Variants in LAYN observed in about 807,000 individuals in gnomAD.
The protein encoded by LAYN is layilin.
In LAYN, 38 loss-of-function variants were observed where a neutral mutation model predicts 43.6. The ratio of observed to expected loss-of-function variants is 0.87; its 90% CI spans 0.67 to 1.14. The LOEUF is 1.14. Among genes scored for constraint, LAYN ranks in the 50% most tolerant of loss-of-function variants. The probability of loss-of-function intolerance (pLI) is 0.00; values close to 1 mark genes in which losing one functional copy is unlikely to be tolerated. For missense variants in LAYN, 479 were observed against 463.8 expected, an observed-to-expected ratio of 1.03 and a Z score of -0.30; for synonymous variants, 168 against 172.9, an observed-to-expected ratio of 0.97 and a Z score of 0.22.
At chr11:111,544,280 C>T in intron 2 of LAYN, 60 bp downstream of exon 2, 1 of 1,521,208 alleles carries the variant, frequency 6.6e-7, no homozygotes, top group Non-Finnish European at 8.9e-7. Flanking sequence ...AAGAGGCAGG[C>T]TGGATCCACA....
chr11:111,540,866 A>C lies in LAYN; in HGVS notation c.23A>C (p.Gln8Pro). ...GCCATGAGGCCGGGAACCGCGCTAC[A>C]GGCCGTGCTGCTGGCCGTGCTGCTG... MRPGTALQAVLLAVLLVG... is the reference protein window; with the variant it reads MRPGTALPAVLLAVLLVG... The change falls in exon 1 of 7, where the codon CAG becomes CCG. Residue 8 changes from glutamine to proline, a missense_variant. Transcript: ENST00000375614. The C allele has an allele frequency of 2.6e-6, 4 of 1,531,736 alleles. No individual in the cohort carries two copies. Among genetic ancestry groups the C allele is most frequent in the Non-Finnish European group, 3.5e-6 (4 of 1,145,416 alleles). The allele number at this position is 1,531,736 out of a possible 1,614,324, so 94.9% of individuals were successfully genotyped here.
At position 111,544,036 on chromosome 11, in the gene LAYN, G is replaced by A. The variant is rs1420319070; in HGVS notation, c.199G>A (p.Gly67Arg). ...AGCCAAAGAAGCCTGCAGGAGGGATGGAGGCCAGCTAGTCAGCATCGAGTC... is the reference window on the plus strand; with the variant it reads ...AGCCAAAGAAGCCTGCAGGAGGGATAGAGGCCAGCTAGTCAGCATCGAGTC... ...EEAKEACRRDGGQLVSIESED... is the reference protein window; with the variant it reads ...EEAKEACRRDRGQLVSIESED... Residue 67 changes from glycine to arginine, a missense_variant, in exon 2 of 7, where the codon GGA (glycine) becomes AGA (arginine). By Grantham distance (125) the Gly-to-Arg change is moderately radical. Transcript: ENST00000375614. 3.1e-6 allele frequency: 5 copies of A among 1,614,098 alleles called. No homozygotes were observed. Among genetic ancestry groups the A allele is most frequent in the Non-Finnish European group, 4.2e-6 (5 of 1,180,050 alleles).
chr11:111,555,318 T>G, intron 5 of LAYN, 28 bp downstream of exon 5: 1 of 1,498,112 alleles, frequency 6.7e-7, no homozygotes. Context: ...CTGGGAAAGA[T>G]GAATAATCAG....
intron 3 of LAYN, among the ~76,000 whole-genome samples, chr11:111,553,487 C>T (rs745660922): frequency 7.3e-5 from 11 of 150,854 alleles, no homozygotes; most frequent in Admixed American, 2.0e-4. Context: ...GGCATGGTGG[C>T]GCATGCCTAT....
intron 2 of LAYN, among the ~76,000 whole-genome samples, chr11:111,547,859 G>A (rs1867674734): frequency 6.6e-6 from 1 of 152,186 alleles, no homozygotes; most frequent in South Asian, 2.1e-4. Flanking sequence ...GGGGTGGGGA[G>A]GAGTGCAGTT....
Position 111,560,277 on chromosome 11 carries a change from C to T in LAYN, c.944C>T (p.Thr315Ile), listed in dbSNP as rs745890528. The T allele has an allele frequency of 1.2e-6, 2 of 1,614,182 alleles. No individual in the cohort carries two copies. Reference protein sequence around the residue: ...ISFRVCSGEATPDDMSCDYDN... With the variant: ...ISFRVCSGEAIPDDMSCDYDN... Reference sequence around the variant, plus strand: ...TTCCGAGTGTGTTCGGGAGAAGCCACTCCCGATGACATGTCTTGTGACTAT... The same window carrying T: ...TTCCGAGTGTGTTCGGGAGAAGCCATTCCCGATGACATGTCTTGTGACTAT... The change falls in exon 7 of 7, where the codon ACT becomes ATT. Residue 315 changes from threonine to isoleucine, a missense_variant. Physicochemically the swap from Thr to Ile is moderately conservative, Grantham distance 89. Transcript: ENST00000375614.
chr11:111,540,550 C>T (rs1028116138), upstream of LAYN: 4 of 466,346 alleles, frequency 8.6e-6, no homozygotes, highest in African/African-American at 6.2e-5. Context: ...GGACAGGGAG[C>T]TGGTTCCCCT....
chr11:111,550,299 G>A (rs1483726663), intron 3 of LAYN, among the ~76,000 whole-genome samples: 7 of 152,224 alleles, frequency 4.6e-5, no homozygotes, highest in Non-Finnish European at 7.3e-5. Flanking sequence ...AGACCACCCT[G>A]TATTTAATGC....
At chr11:111,546,653 A>G (rs931388943) in intron 2 of LAYN, among the ~76,000 whole-genome samples, 2 of 152,230 alleles carry the variant, frequency 1.3e-5, no homozygotes, top group Admixed American at 1.3e-4. Flanking sequence ...TTACCTGCTT[A>G]TGCAGTGCTC....
chr11:111,540,571 C>T, upstream of LAYN: 1 of 485,044 alleles, frequency 2.1e-6, no homozygotes. Context: ...CTGCGACTCG[C>T]CCCTCTCTGG....
intron 5 of LAYN, among the ~76,000 whole-genome samples, chr11:111,556,465 C>A (rs1046938746): frequency 6.6e-6 from 1 of 152,180 alleles, no homozygotes; most frequent in Non-Finnish European, 1.5e-5. Flanking sequence ...GGCCAGCCCC[C>A]GTCTGAATCA....
rs112476504 is a variant in LAYN, at chr11:111,559,601, G to A, written c.762-494G>A. ...AGCCTCCCAACTAGCTGGGACTGCA[G>A]GTGTGCACCACCATGCCTGGTTAAT... On this transcript the variant is annotated intron_variant, in intron 6 of 6. Transcript: ENST00000375614. 6.4e-3 allele frequency among the ~76,000 whole-genome samples: 977 copies of A among 152,166 alleles called. 9 individuals carry two copies. The highest frequency in any genetic ancestry group is 0.022 in the African/African-American group (909 of 41,514).
At chr11:111,548,717 A>G (rs1867688193) in intron 2 of LAYN, among the ~76,000 whole-genome samples, 2 of 152,218 alleles carry the variant, frequency 1.3e-5, no homozygotes, top group Admixed American at 6.5e-5. Flanking sequence ...ACAAGAGCTA[A>G]GCAGAGCAGC....
At chr11:111,557,465 T>C (rs551725347) in intron 5 of LAYN, 76 bp from the exon 6 acceptor site, 15 of 1,182,158 alleles carry the variant, frequency 1.3e-5, no homozygotes, top group Non-Finnish European at 1.9e-5. Context: ...TTATGCTTTT[T>C]TTAAGCCTGG....
At position 111,561,063 on chromosome 11, in the gene LAYN, C is replaced by T. The variant is rs1867948489; in HGVS notation, c.*605C>T. The stretch of plus-strand genomic sequence containing the variant: ...AGACTTGGAAATATCTAACTACTTG[C>T]AAAACTAAAAATGAGGCCAGGCGCA... On this transcript the variant is annotated 3_prime_UTR_variant, in exon 7 of 7. Transcript: ENST00000375614. The T allele has an allele frequency of 1.3e-5, 2 of 152,516 alleles. No individual in the cohort carries two copies. The highest frequency in any genetic ancestry group is 1.3e-4 in the Admixed American group (2 of 15,262). The allele number at this position is 152,516 out of a possible 1,614,324, so 9.4% of individuals were successfully genotyped here. A position where few individuals can be genotyped will look rare whatever the true frequency, so the allele number is the denominator to read the frequency against.
Position 111,557,575 on chromosome 11 carries a change from C to A in LAYN, c.693C>A (p.Pro231=). The A allele has an allele frequency of 6.2e-7, 1 of 1,614,146 alleles. No individual in the cohort carries two copies. Among genetic ancestry groups the A allele is most frequent in the Non-Finnish European group, 8.5e-7 (1 of 1,180,008 alleles). The change falls in exon 6 of 7, where the codon CCC becomes CCA. Residue 231 remains proline (P), a synonymous_variant. Transcript: ENST00000375614. ...AALNLAYILI[P]SIPLLLLLVV... ...TGAATCTGGCCTACATCCTAATCCC[C>A]AGCATTCCCCTTCTCCTCCTCCTTG...
rs150167238 is a variant in LAYN, at chr11:111,560,868, G to T, written c.*410G>T. On this transcript the variant is annotated 3_prime_UTR_variant, in exon 7 of 7. Coordinates refer to ENST00000375614, the MANE Select transcript of LAYN (RefSeq NM_178834.5). ...ACAGAAAATCCAGAATCTTTTCAAA[G>T]CCCACATATGGTAGCACAGGCTGGC... 3.6e-3 allele frequency: 582 copies of T among 163,804 alleles called. 9 individuals carry two copies. Among genetic ancestry groups the T allele is most frequent in the Middle Eastern group, 0.019 (6 of 318 alleles). The allele number at this position is 163,804 out of a possible 1,614,324, so 10.1% of individuals were successfully genotyped here.
At chr11:111,550,985 T>C (rs545543555) in intron 3 of LAYN, among the ~76,000 whole-genome samples, 98 of 152,296 alleles carry the variant, frequency 6.4e-4, no homozygotes, top group African/African-American at 2.2e-3. Context: ...CACTAAGTCC[T>C]GGCAAGAAAA....
intron 4 of LAYN, 96 bp downstream of exon 4, chr11:111,554,689 A>G: frequency 9.4e-7 from 1 of 1,066,442 alleles, no homozygotes; most frequent in Non-Finnish European, 1.4e-6. Context: ...GGATTATTCA[A>G]CAGAAAAACT....
Sources: allele counts gnomAD v4.1 joint callset (sites outside exome capture counted in the v4.1 genomes callset), GRCh38; gene constraint gnomAD v4.1.1; transcripts MANE v1.5; gene names NCBI Gene and HGNC (gene_info 2026-07-23, HGNC 2026-07-21).